TGFBR3: variants seen among roughly 807,000 people sequenced by gnomAD.
TGFBR3 encodes the protein transforming growth factor beta receptor 3.
In TGFBR3, 46 loss-of-function variants were observed where a neutral mutation model predicts 87.9. That is an observed-to-expected ratio of 0.52 (90% CI 0.41 to 0.67). TGFBR3 has a LOEUF of 0.67. TGFBR3 is among the 30% of genes least tolerant of loss of function. The probability of loss-of-function intolerance (pLI) is 0.00; values close to 1 mark genes in which losing one functional copy is unlikely to be tolerated. For missense variants in TGFBR3, 866 were observed against 1,041.9 expected (o/e 0.83, Z 2.32); for synonymous variants, 381 against 391.6 (o/e 0.97, Z 0.32).
intron 2 of TGFBR3, among the ~76,000 whole-genome samples, chr1:91,799,090 CCA>C (rs891659413): frequency 1.4e-4 from 21 of 152,184 alleles, no homozygotes; most frequent in African/African-American, 5.1e-4. Context: ...TGAATGTACT[CCA>C]GTTTGTTCTT....
intron 2 of TGFBR3, among the ~76,000 whole-genome samples, chr1:91,829,089 A>G (rs1300766064): frequency 6.6e-6 from 1 of 152,114 alleles, no homozygotes; most frequent in Non-Finnish European, 1.5e-5. Context: ...AACAAGGCAC[A>G]GTGTGGCTGG....
chr1:91,816,005 G>A (rs1676210226), intron 2 of TGFBR3, among the ~76,000 whole-genome samples: 1 of 152,180 alleles, frequency 6.6e-6, no homozygotes, highest in Non-Finnish European at 1.5e-5. Flanking sequence ...CACTGTGGAT[G>A]AGAACCTCTC....
chr1:91,779,115 C>G (rs6604054), intron 3 of TGFBR3, among the ~76,000 whole-genome samples: 77,344 of 151,936 alleles, frequency 0.51, 20,366 homozygotes, highest in African/African-American at 0.64. Context: ...GGGGATTGCG[C>G]ATTTTCATTG....
At position 91,716,590 on chromosome 1, in the gene TGFBR3, A is replaced by C; in HGVS notation, c.1685T>G (p.Phe562Cys). ...GDMDEGDASL[F>C]TRPEIVVFNC... ...TACCACCACGATTTCAGGTCGGGTG[A>C]ACAGGGAAGCATCTCCTTCATCCAT... The change falls in exon 11 of 17, where the codon TTC becomes TGC. Residue 562 changes from phenylalanine to cysteine, a missense_variant. Coordinates refer to ENST00000212355, the MANE Select transcript of TGFBR3 (RefSeq NM_003243.5). 8.7e-6 allele frequency: 14 copies of C among 1,614,126 alleles called. No individual in the cohort carries two copies. The highest frequency in any genetic ancestry group is 1.2e-5 in the Non-Finnish European group (14 of 1,180,028).
intron 3 of TGFBR3, among the ~76,000 whole-genome samples, chr1:91,794,262 A>G (rs904784646): frequency 6.6e-6 from 1 of 151,728 alleles, no homozygotes; most frequent in African/African-American, 2.4e-5. Flanking sequence ...GGAGTGCAGC[A>G]GCGCAATCTT....
chr1:91,786,212 GATT>G, intron 3 of TGFBR3: 1 of 456,222 alleles, frequency 2.2e-6, no homozygotes, highest in Non-Finnish European at 4.4e-6. Context: ...TCTTAATAGT[GATT>G]CATTGAACAG....
At chr1:91,829,235 G>A (rs545974869) in intron 2 of TGFBR3, among the ~76,000 whole-genome samples, 1 of 152,116 alleles carries the variant, frequency 6.6e-6, no homozygotes, top group Admixed American at 6.6e-5. Context: ...TATTAGCCAG[G>A]TGTGGTGGCA....
intron 3 of TGFBR3, among the ~76,000 whole-genome samples, chr1:91,774,551 T>C (rs1674502358): frequency 2.0e-5 from 3 of 152,140 alleles, no homozygotes. Context: ...AAAGAGTAAA[T>C]GCAAACAACA....
At position 91,681,674 on chromosome 1, in the gene TGFBR3, TA is replaced by T. The variant is rs767630579; in HGVS notation, c.*2064del. The T allele has an allele frequency of 1.6e-5, 7 of 442,578 alleles. No individual in the cohort carries two copies. In the East Asian group the frequency reaches 4.9e-4, roughly 31 times the overall value. 27.4% of individuals were successfully genotyped at this position (442,578 alleles called of 1,614,324 possible). ...CTGAAATTAAACATTTCATATGGAG[TA>T]ACTTAAATTTATCTAAAACACTTAA... On this transcript the variant is annotated 3_prime_UTR_variant, in exon 17 of 17. Transcript: ENST00000212355.
intron 2 of TGFBR3, among the ~76,000 whole-genome samples, chr1:91,856,248 A>C (rs1677947370): frequency 6.6e-6 from 1 of 152,076 alleles, no homozygotes; most frequent in South Asian, 2.1e-4. Context: ...TTGTACTTTT[A>C]GTAGAGACGG....
rs188627142 is a variant in TGFBR3 at position 91,849,848 on chromosome 1, C to G, written c.61+11623G>C. Among the ~76,000 whole-genome samples, 5 of 151,604 alleles carry G rather than the reference C, an allele frequency of 3.3e-5. No homozygotes were observed. The East Asian group carries it at 9.7e-4, about 30-fold the overall frequency. On this transcript the variant is annotated intron_variant, in intron 2 of 16. Transcript: ENST00000212355. ...CTGTAATCCCAGCACTTTGGGAGGC[C>G]GAGGCGGGCCGATCACGAGGTCAGG...
Position 91,749,179 on chromosome 1 carries a change from T to C in TGFBR3, c.384+9434A>G, listed in dbSNP as rs995427149. On this transcript the variant is annotated intron_variant, in intron 4 of 16. Transcript: ENST00000212355. ...CAAACAGCAGCTCTGAACATCACTCTGCCATCTGTATCACCCAGAACCAAT... is the reference window on the plus strand; with the variant it reads ...CAAACAGCAGCTCTGAACATCACTCCGCCATCTGTATCACCCAGAACCAAT... Among the ~76,000 whole-genome samples, 4 of 152,260 alleles carry C rather than the reference T, an allele frequency of 2.6e-5. No homozygotes were observed. The South Asian group carries it at 8.3e-4, about 32-fold the overall frequency.
At chr1:91,797,084 A>G (rs1035861561) in intron 3 of TGFBR3, among the ~76,000 whole-genome samples, 18 of 152,168 alleles carry the variant, frequency 1.2e-4, no homozygotes, top group African/African-American at 4.1e-4. Context: ...GGGCCAGGAA[A>G]TGGGGAGAGC....
chr1:91,897,496 C>G (rs1326468535), intron 2 of TGFBR3, among the ~76,000 whole-genome samples: 1 of 152,170 alleles, frequency 6.6e-6, no homozygotes, highest in Admixed American at 6.5e-5. Flanking sequence ...TCATTAAGCT[C>G]AAACCAACCT....
chr1:91,728,664 C>T (rs1180076206), intron 6 of TGFBR3, among the ~76,000 whole-genome samples: 1 of 152,162 alleles, frequency 6.6e-6, no homozygotes, highest in African/African-American at 2.4e-5. Flanking sequence ...CTCCTATTCC[C>T]ATTCCCTTTT....
intron 12 of TGFBR3, 72 bp downstream of exon 12, chr1:91,716,164 A>T: frequency 1.3e-6 from 2 of 1,584,664 alleles, no homozygotes; most frequent in Non-Finnish European, 1.7e-6. Flanking sequence ...TGTACAGGGT[A>T]TTTTAGCTGA....
intron 1 of TGFBR3, among the ~76,000 whole-genome samples, chr1:91,878,782 G>A (rs981850818): frequency 1.3e-5 from 2 of 152,192 alleles, no homozygotes; most frequent in African/African-American, 4.8e-5. Context: ...ATATACCAGA[G>A]AAATGAATTA....
intron 7 of TGFBR3, among the ~76,000 whole-genome samples, chr1:91,726,016 C>T (rs1672537060): frequency 6.6e-6 from 1 of 152,102 alleles, no homozygotes; most frequent in African/African-American, 2.4e-5. Context: ...GAAACATTAC[C>T]TAATTGTTTA....
chr1:91,777,084 A>G (rs1348333996), intron 3 of TGFBR3, among the ~76,000 whole-genome samples: 2 of 152,210 alleles, frequency 1.3e-5, no homozygotes, highest in Non-Finnish European at 2.9e-5. Flanking sequence ...CCTGGCAGGT[A>G]CCTTCCAAAA....
Sources: allele counts gnomAD v4.1 joint callset (sites outside exome capture counted in the v4.1 genomes callset), GRCh38; gene constraint gnomAD v4.1.1; transcripts MANE v1.5; gene names NCBI Gene and HGNC (gene_info 2026-07-23, HGNC 2026-07-21).